LRRC37A2: variants seen among roughly 807,000 people sequenced by gnomAD.
The protein encoded by LRRC37A2 is leucine-rich repeat-containing protein 37A2.
LRRC37A2 carries 9 observed loss-of-function variants against 68.8 expected under a neutral mutation model. That is an observed-to-expected ratio of 0.13 (90% CI 0.08 to 0.23). LRRC37A2 has a LOEUF of 0.23. LRRC37A2 is among the 10% of genes least tolerant of loss of function. The pLI, the probability that LRRC37A2 is intolerant of heterozygous loss-of-function variation, is 1.00. For synonymous variants in LRRC37A2, 63 were observed against 367.6 expected, an observed-to-expected ratio of 0.17 and a Z score of 9.48; for missense variants, 168 against 950.4, an observed-to-expected ratio of 0.18 and a Z score of 10.82.
chr17:46,808,929 CA>C, the LRRC37A2 span, among the ~76,000 whole-genome samples: 1 of 152,188 alleles, frequency 6.6e-6, no homozygotes, highest in African/African-American at 2.4e-5. Context: ...AAGGACCCTC[CA>C]TAGTTCAGGG....
At chr17:46,947,191 G>A in the LRRC37A2 span, among the ~76,000 whole-genome samples, 1 of 152,200 alleles carries the variant, frequency 6.6e-6, no homozygotes, top group Non-Finnish European at 1.5e-5. Context: ...GAGGGCTGGG[G>A]AAGGACCCTG....
At chr17:47,024,190 AAAATT>A in the LRRC37A2 span, among the ~76,000 whole-genome samples, 1 of 152,234 alleles carries the variant, frequency 6.6e-6, no homozygotes, top group Non-Finnish European at 1.5e-5. Flanking sequence ...CCCTGTCTCA[AAAATT>A]AAATTAAATA....
chr17:46,585,040 C>T, the LRRC37A2 span, among the ~76,000 whole-genome samples: 1 of 72,220 alleles, frequency 1.4e-5, no homozygotes, highest in Non-Finnish European at 2.9e-5. Flanking sequence ...CAGTGATTCA[C>T]GCTTGTAATC....
chr17:46,865,340 C>T, the LRRC37A2 span, among the ~76,000 whole-genome samples: 5 of 152,180 alleles, frequency 3.3e-5, no homozygotes, highest in Non-Finnish European at 7.3e-5. Flanking sequence ...GGCTGTGAGA[C>T]AGGAAGTGGG....
the LRRC37A2 span, among the ~76,000 whole-genome samples, chr17:46,985,798 A>C: frequency 2.0e-5 from 3 of 152,240 alleles, no homozygotes; most frequent in African/African-American, 7.2e-5. Flanking sequence ...CTTAATCAGA[A>C]TACCTTCAAT....
At chr17:46,833,752 G>A in the LRRC37A2 span, among the ~76,000 whole-genome samples, 2 of 152,182 alleles carry the variant, frequency 1.3e-5, no homozygotes, top group Non-Finnish European at 2.9e-5. Context: ...AGGCCTGCCC[G>A]GGGAAGAAGT....
At chr17:46,863,502 T>C in the LRRC37A2 span, among the ~76,000 whole-genome samples, 1 of 151,910 alleles carries the variant, frequency 6.6e-6, no homozygotes, top group African/African-American at 2.4e-5. Flanking sequence ...GTACTATATA[T>C]ACAAAAGTGG....
chr17:46,861,762 A>G, the LRRC37A2 span, among the ~76,000 whole-genome samples: 1 of 152,220 alleles, frequency 6.6e-6, no homozygotes, highest in Non-Finnish European at 1.5e-5. Flanking sequence ...TCAGTCCTGG[A>G]AACTTCCAAG....
chr17:46,849,201 C>A, the LRRC37A2 span, among the ~76,000 whole-genome samples: 1 of 152,244 alleles, frequency 6.6e-6, no homozygotes, highest in Non-Finnish European at 1.5e-5. Context: ...ATATTTTCCT[C>A]GTGTTTCTCA....
the LRRC37A2 span, among the ~76,000 whole-genome samples, chr17:46,496,959 T>A: frequency 1.4e-5 from 2 of 144,302 alleles, no homozygotes; most frequent in Non-Finnish European, 3.0e-5. Context: ...AAAATTAGTG[T>A]TTTATATTAG....
At chr17:46,994,524 G>A in the LRRC37A2 span, among the ~76,000 whole-genome samples, 1 of 151,976 alleles carries the variant, frequency 6.6e-6, no homozygotes, top group Non-Finnish European at 1.5e-5. Context: ...TAGCTACTTG[G>A]GTGTGTTTAT....
the LRRC37A2 span, among the ~76,000 whole-genome samples, chr17:46,977,988 C>T: frequency 6.6e-6 from 1 of 152,254 alleles, no homozygotes; most frequent in Non-Finnish European, 1.5e-5. Flanking sequence ...CTTTGCCTTT[C>T]CTCGCTCTGG....
the LRRC37A2 span, among the ~76,000 whole-genome samples, chr17:46,392,429 CTCTCTTTCTT>C: frequency 2.2e-4 from 6 of 27,046 alleles, 2 homozygotes; most frequent in African/African-American, 4.8e-4. Flanking sequence ...CTCTTTCTTT[CTCTCTTTCTT>C]TCTTTCTTTC....
chr17:46,602,864 G>T, the LRRC37A2 span, among the ~76,000 whole-genome samples: 2 of 123,768 alleles, frequency 1.6e-5, no homozygotes. Context: ...TTCTTGAATG[G>T]TTGAACAAGA....
At chr17:46,939,245 C>T in the LRRC37A2 span, 17 of 1,042,054 alleles carry the variant, frequency 1.6e-5, no homozygotes, top group Non-Finnish European at 1.7e-5. Context: ...TTCACATCCT[C>T]GTGCTCCTGG....
At chr17:46,697,754 G>GTGC in the LRRC37A2 span, among the ~76,000 whole-genome samples, 2 of 149,968 alleles carry the variant, frequency 1.3e-5, no homozygotes, top group Non-Finnish European at 3.0e-5. Flanking sequence ...GAGTGCAGTG[G>GTGC]TGCAATCTCG....
the LRRC37A2 span, among the ~76,000 whole-genome samples, chr17:46,853,456 C>A: frequency 6.7e-6 from 1 of 149,034 alleles, no homozygotes; most frequent in Non-Finnish European, 1.5e-5. Context: ...ACTGCAACCT[C>A]CATCTCATGG....
chr17:46,851,681 C>T, the LRRC37A2 span: 2 of 1,311,022 alleles, frequency 1.5e-6, no homozygotes, highest in Non-Finnish European at 9.7e-7. The surrounding 1 kb of genome is among the most constrained non-coding windows in gnomAD (Gnocchi z 4.3). Flanking sequence ...GCTCTGCCTG[C>T]TGGCGCTGCC....
chr17:46,953,052 TTTA>T, the LRRC37A2 span, among the ~76,000 whole-genome samples: 24 of 152,156 alleles, frequency 1.6e-4, no homozygotes, highest in East Asian at 3.3e-3. Context: ...ATTTTTTTAT[TTTA>T]TTATTATTTT....
Sources: allele counts gnomAD v4.1 joint callset (sites outside exome capture counted in the v4.1 genomes callset), GRCh38; gene constraint gnomAD v4.1.1; non-coding constraint Gnocchi (gnomAD v3.1); transcripts MANE v1.5; gene names NCBI Gene and HGNC (gene_info 2026-07-23, HGNC 2026-07-21).